The following POFUT2 variants were observed in gnomAD, a reference collection of about 807,000 sequenced individuals.
POFUT2 encodes the protein protein O-fucosyltransferase 2, also known as GDP-fucose protein O-fucosyltransferase 2.
Under a neutral mutation model 55.0 loss-of-function variants are expected in POFUT2, and 30 were observed. The observed-to-expected ratio is 0.55, with a 90% CI of 0.41 to 0.74. The LOEUF is 0.74. Ranked by LOEUF, POFUT2 falls within the 30% of genes least tolerant of loss-of-function variation. The pLI is 0.00. For synonymous variants in POFUT2, 267 were observed against 231.1 expected (o/e 1.16, Z -1.41); for missense variants, 524 against 562.6 (o/e 0.93, Z 0.69).
chr21:45,274,948 A>G (rs1268693436), intron 6 of POFUT2, among the ~76,000 whole-genome samples: 1 of 152,224 alleles, frequency 6.6e-6, no homozygotes, highest in African/African-American at 2.4e-5. Flanking sequence ...GCATAATTAA[A>G]CTAAAAAGCT....
At chr21:45,278,314 G>GTTA in intron 4 of POFUT2, 145 bp from the exon 5 acceptor site, 1 of 720,876 alleles carries the variant, frequency 1.4e-6, no homozygotes, top group South Asian at 1.6e-5. Flanking sequence ...GCGTTGGGTG[G>GTTA]TTATGGCTGA....
In POFUT2 at chr21:45,269,842, T is replaced by C. The variant is rs983340186; in HGVS notation, c.1009A>G (p.Lys337Glu). 6.2e-7 allele frequency: 1 copy of C among 1,601,626 alleles called. No homozygotes were observed. The highest frequency in any genetic ancestry group is 2.2e-5 in the East Asian group (1 of 44,664). The change falls in exon 7 of 9, where the codon AAG becomes GAG. Residue 337 changes from lysine to glutamate, a missense_variant. Physicochemically the swap from Lys to Glu is moderately conservative, Grantham distance 56. This residue lies in a region of POFUT2 where 250 missense variants were observed against 318.2 expected (regional missense o/e 0.79). Coordinates refer to ENST00000349485, the MANE Select transcript of POFUT2 (RefSeq NM_133635.6). ...CGAAAGCATTGAAGCTCCATACCCT[T>C]TCTGACGGCATCTGTGGCCACAAAC... The part of the protein sequence containing the change: ...KVFVATDAVR[K>E]EYEELKKLLP...
chr21:45,265,394 G>T lies in POFUT2; in HGVS notation c.*88C>A. The T allele has an allele frequency of 8.0e-7, 1 of 1,255,632 alleles. No homozygotes were observed. The allele number at this position is 1,255,632 out of a possible 1,614,324, so 77.8% of individuals were successfully genotyped here. A position where few individuals can be genotyped will look rare whatever the true frequency, so the allele number is the denominator to read the frequency against. ...GGACGGTCCTGTCCGCCCAGCTCCC[G>T]GCTGGCAGTAGACGGTGACTCCACG... On this transcript the variant is annotated 3_prime_UTR_variant, in exon 9 of 9. Transcript: ENST00000349485. The surrounding 1 kb of genome is among the most constrained non-coding windows in gnomAD (Gnocchi z 4.6).
intron 7 of POFUT2, among the ~76,000 whole-genome samples, chr21:45,268,376 C>A (rs2093177643): frequency 6.6e-6 from 1 of 152,090 alleles, no homozygotes; most frequent in South Asian, 2.1e-4. Context: ...CCCAAAGTGC[C>A]AAGATTGCAG....
chr21:45,271,883 G>A (rs2146580685), intron 6 of POFUT2, among the ~76,000 whole-genome samples: 2 of 152,230 alleles, frequency 1.3e-5, no homozygotes, highest in South Asian at 4.1e-4. Context: ...AGCTCTACAA[G>A]AAATGTTAAA....
Position 45,287,865 on chromosome 21 carries a change from T to C in POFUT2, c.7A>G (p.Thr3Ala), listed in dbSNP as rs548671933. The C allele has an allele frequency of 1.1e-5, 15 of 1,382,876 alleles. No homozygotes were observed. The African/African-American group carries it at 2.1e-4, about 20-fold the overall frequency. The allele number at this position is 1,382,876 out of a possible 1,614,324, so 85.7% of individuals were successfully genotyped here. A position where few individuals can be genotyped will look rare whatever the true frequency, so the allele number is the denominator to read the frequency against. MA[T>A]LSFVFLLLGA... ...AGCAGCAGGAAGACGAAGCTGAGTG[T>C]CGCCATGGCCCCGGGCGGCCACGCA... is the stretch of plus-strand genomic sequence containing the variant. The change falls in exon 1 of 9, where the codon ACA (threonine) becomes GCA (alanine). Residue 3 changes from threonine to alanine, a missense_variant. Transcript: ENST00000349485.
chr21:45,273,904 C>G (rs990188678), intron 6 of POFUT2, among the ~76,000 whole-genome samples: 3 of 152,144 alleles, frequency 2.0e-5, no homozygotes, highest in African/African-American at 7.2e-5. Flanking sequence ...AGAACTGGAG[C>G]AAGACAAGGA....
chr21:45,287,174 C>T (rs1418929413), intron 1 of POFUT2, among the ~76,000 whole-genome samples: 12 of 139,926 alleles, frequency 8.6e-5, no homozygotes, highest in Admixed American at 7.7e-4. Context: ...CCATCCCATC[C>T]CCCAGACTCC....
At chr21:45,266,358 G>GA (rs2093154357) in intron 8 of POFUT2, 1 of 1,308,338 alleles carries the variant, frequency 7.6e-7, no homozygotes, top group Non-Finnish European at 1.0e-6. Flanking sequence ...CTGGTGGGGA[G>GA]ACCCTCACCA....
In POFUT2 at chr21:45,267,792, T is replaced by C. The variant is rs1480395064; in HGVS notation, c.1013-79A>G. ...TACGTGACTCTTTAGCAGACAGACA[T>C]GCGTACTTGGCTTCTGGTTAATTCG... On this transcript the variant is annotated intron_variant, in intron 7 of 8. Coordinates refer to ENST00000349485, the MANE Select transcript of POFUT2 (RefSeq NM_133635.6). The surrounding 1 kb of genome is among the most constrained non-coding windows in gnomAD (Gnocchi z 4.4). 6 of 1,290,396 alleles carry C rather than the reference T, an allele frequency of 4.6e-6. No individual in the cohort carries two copies. The highest frequency in any genetic ancestry group is 2.9e-5 in the African/African-American group (2 of 67,986). The allele number at this position is 1,290,396 out of a possible 1,614,324, so 79.9% of individuals were successfully genotyped here.
rs531014094 is a variant in POFUT2, at chr21:45,269,756, G to C, written c.1012+83C>G. On this transcript the variant is annotated intron_variant, in intron 7 of 8. Coordinates refer to ENST00000349485, the MANE Select transcript of POFUT2 (RefSeq NM_133635.6). Reference sequence around the variant, plus strand: ...GTTCCATGACCCTGCCAAAATCCCCGTCTGTGAGAAACACCCAAGAATTAT... The same window carrying C: ...GTTCCATGACCCTGCCAAAATCCCCCTCTGTGAGAAACACCCAAGAATTAT... 2.8e-4 allele frequency: 368 copies of C among 1,329,158 alleles called. 1 individual carries two copies. The highest frequency in any genetic ancestry group is 9.7e-4 in the Middle Eastern group (5 of 5,156). The allele number at this position is 1,329,158 out of a possible 1,614,324, so 82.3% of individuals were successfully genotyped here. A position where few individuals can be genotyped will look rare whatever the true frequency, so the allele number is the denominator to read the frequency against.
Position 45,281,350 on chromosome 21 carries a change from C to T in POFUT2, c.638+999G>A, listed in dbSNP as rs1229162650. Among the ~76,000 whole-genome samples the T allele has an allele frequency of 6.6e-6, 1 of 152,130 alleles. No individual in the cohort carries two copies. Among genetic ancestry groups the T allele is most frequent in the African/African-American group, 2.4e-5 (1 of 41,412 alleles). ...ATATTGTCATGAAATGAACCCAGTCCCAGGACAACATTAAAGCTGCATCTC... is the reference window on the plus strand; with the variant it reads ...ATATTGTCATGAAATGAACCCAGTCTCAGGACAACATTAAAGCTGCATCTC... On this transcript the variant is annotated intron_variant, in intron 4 of 8. Transcript: ENST00000349485. This position sits in a 1 kb window ranked among gnomAD's most constrained non-coding sequence, Gnocchi z 5.0.
chr21:45,267,428 C>G lies in POFUT2; in HGVS notation c.1136+162G>C, dbSNP rs368255659. The G allele has an allele frequency of 8.7e-6, 14 of 1,611,490 alleles. No individual in the cohort carries two copies. Among genetic ancestry groups the G allele is most frequent in the Non-Finnish European group, 1.2e-5 (14 of 1,178,068 alleles). ...CAATTAACTTCAGCCCAGGGAAACA[C>G]TGAACCAGATGCTACAGGAGACTCA... On this transcript the variant is annotated intron_variant, in intron 8 of 8. Coordinates refer to ENST00000349485, the MANE Select transcript of POFUT2 (RefSeq NM_133635.6). This position sits in a 1 kb window ranked among gnomAD's most constrained non-coding sequence, Gnocchi z 4.4.
chr21:45,280,671 C>A (rs1413252196), intron 4 of POFUT2, among the ~76,000 whole-genome samples: 1 of 147,888 alleles, frequency 6.8e-6, no homozygotes, highest in Non-Finnish European at 1.5e-5. Flanking sequence ...TCACCCCAGG[C>A]TGCCCGTCCC....
chr21:45,270,189 G>A lies in POFUT2; in HGVS notation c.832-170C>T. 1 of 423,326 alleles carries A rather than the reference G, an allele frequency of 2.4e-6. No homozygotes were observed. Among genetic ancestry groups the A allele is most frequent in the Non-Finnish European group, 4.1e-6 (1 of 243,314 alleles). The allele number at this position is 423,326 out of a possible 1,614,324, so 26.2% of individuals were successfully genotyped here. On this transcript the variant is annotated intron_variant, in intron 6 of 8. Transcript: ENST00000349485. This position sits in a 1 kb window ranked among gnomAD's most constrained non-coding sequence, Gnocchi z 4.6. Reference sequence around the variant, plus strand: ...TCAGGTGGAATCTCGGGGGCGACCAGATGTCTTTCTAAGAAGACAGTGAAG... The same window carrying A: ...TCAGGTGGAATCTCGGGGGCGACCAAATGTCTTTCTAAGAAGACAGTGAAG...
Position 45,287,805 on chromosome 21 carries a change from C to T in POFUT2, c.67G>A (p.Gly23Ser), listed in dbSNP as rs1432529401. 1 of 1,478,194 alleles carries T rather than the reference C, an allele frequency of 6.8e-7. No individual in the cohort carries two copies. Among genetic ancestry groups the T allele is most frequent in the East Asian group, 2.9e-5 (1 of 34,790 alleles). The allele number at this position is 1,478,194 out of a possible 1,614,324, so 91.6% of individuals were successfully genotyped here. Residue 23 changes from glycine (G) to serine (S), a missense_variant, in exon 1 of 9, where the codon GGC becomes AGC. Coordinates refer to ENST00000349485, the MANE Select transcript of POFUT2 (RefSeq NM_133635.6). ...GATTGTCCGGGCCAGAACTCCTGGC[C>T]GGAGGCAGAAGCCGGAGGCCAGGAC... The part of the protein sequence containing the change: ...AVSWPPASAS[G>S]QEFWPGQSAA...
chr21:45,280,923 G>A (rs1224149661), intron 4 of POFUT2, among the ~76,000 whole-genome samples: 2 of 152,190 alleles, frequency 1.3e-5, no homozygotes, highest in Admixed American at 6.5e-5. Flanking sequence ...TTTTTCTAAT[G>A]GACAAAAGTT....
rs546849882 is a variant in POFUT2 at position 45,270,722 on chromosome 21, A to G, written c.832-703T>C. 1.3e-4 allele frequency among the ~76,000 whole-genome samples: 20 copies of G among 152,360 alleles called. No homozygotes were observed. In the South Asian group the frequency reaches 3.9e-3, roughly 30 times the overall value. On this transcript the variant is annotated intron_variant, in intron 6 of 8. Transcript: ENST00000349485. This position sits in a 1 kb window ranked among gnomAD's most constrained non-coding sequence, Gnocchi z 4.6. ...GAGACCCGAAGACGGATCACAGCACAGGACTCTCCGCAGACATTCCCCAGC... is the reference window on the plus strand; with the variant it reads ...GAGACCCGAAGACGGATCACAGCACGGGACTCTCCGCAGACATTCCCCAGC...
rs751128391 is a variant in POFUT2 at position 45,267,312 on chromosome 21, G to A, written c.1136+278C>T. ...GAAACCGGGAATGATGGGAAAATGCGACACAAGAAGAGGTTCTGAGACGAG... is the reference window on the plus strand; with the variant it reads ...GAAACCGGGAATGATGGGAAAATGCAACACAAGAAGAGGTTCTGAGACGAG... On this transcript the variant is annotated intron_variant, in intron 8 of 8. Transcript: ENST00000349485. This position sits in a 1 kb window ranked among gnomAD's most constrained non-coding sequence, Gnocchi z 4.4. 17 of 1,473,608 alleles carry A rather than the reference G, an allele frequency of 1.2e-5. No individual in the cohort carries two copies. The highest frequency in any genetic ancestry group is 2.4e-5 in the East Asian group (1 of 42,004). The allele number at this position is 1,473,608 out of a possible 1,614,324, so 91.3% of individuals were successfully genotyped here. A position where few individuals can be genotyped will look rare whatever the true frequency, so the allele number is the denominator to read the frequency against.
Sources: gnomAD v4.1 joint callset for allele counts (sites outside exome capture counted in the v4.1 genomes callset) on GRCh38, gnomAD v4.1.1 for gene constraint, gnomAD v4.1.1 regional missense constraint, Gnocchi (gnomAD v3.1) non-coding constraint, MANE v1.5 for transcripts, NCBI Gene and HGNC (gene_info 2026-07-23, HGNC 2026-07-21) for gene names.